ST6GALNAC3: variants seen among roughly 807,000 people sequenced by gnomAD.
ST6GALNAC3 encodes ST6 N-acetylgalactosaminide alpha-2,6-sialyltransferase 3.
In ST6GALNAC3, 25 loss-of-function variants were observed where a neutral mutation model predicts 32.7. The ratio of observed to expected loss-of-function variants is 0.76; its 90% CI spans 0.56 to 1.07. ST6GALNAC3 has a LOEUF of 1.07. Among genes scored for constraint, ST6GALNAC3 ranks in the 50% least tolerant of loss-of-function variants. The pLI is 0.00. For synonymous variants in ST6GALNAC3, 129 were observed against 133.1 expected (o/e 0.97, Z 0.21); for missense variants, 355 against 382.4 (o/e 0.93, Z 0.60).
chr1:76,495,388 A>G (rs1468125551), intron 3 of ST6GALNAC3, among the ~76,000 whole-genome samples: 6 of 152,156 alleles, frequency 3.9e-5, no homozygotes, highest in African/African-American at 1.2e-4. Context: ...GAAGATACGT[A>G]TGACTGCCTT....
chr1:76,187,264 C>G (rs1011626575), intron 1 of ST6GALNAC3, among the ~76,000 whole-genome samples: 1 of 152,122 alleles, frequency 6.6e-6, no homozygotes, highest in Non-Finnish European at 1.5e-5. Context: ...AGCCAAAATA[C>G]CTTGGTTGTT....
intron 3 of ST6GALNAC3, among the ~76,000 whole-genome samples, chr1:76,482,532 C>A (rs780970814): frequency 2.3e-4 from 35 of 152,176 alleles, no homozygotes; most frequent in Non-Finnish European, 4.4e-4. Context: ...AAGTCCTCCA[C>A]AGGCATTGTT....
intron 1 of ST6GALNAC3, among the ~76,000 whole-genome samples, chr1:76,100,798 CTGTT>C (rs549010047): frequency 1.5e-5 from 2 of 133,754 alleles, no homozygotes; most frequent in South Asian, 4.4e-4. Flanking sequence ...TCATCAGAAT[CTGTT>C]TTTTTTTTTT....
At chr1:76,402,919 T>C (rs1426592857) in intron 2 of ST6GALNAC3, among the ~76,000 whole-genome samples, 2 of 152,120 alleles carry the variant, frequency 1.3e-5, no homozygotes, top group African/African-American at 4.8e-5. Flanking sequence ...TATTGAGTCT[T>C]ATCTTCCATG....
chr1:76,168,654 G>A (rs1447901594), intron 1 of ST6GALNAC3, among the ~76,000 whole-genome samples: 4 of 152,144 alleles, frequency 2.6e-5, no homozygotes, highest in African/African-American at 7.2e-5. Flanking sequence ...GTGTTCCTGT[G>A]TTGGGTGTAT....
intron 3 of ST6GALNAC3, among the ~76,000 whole-genome samples, chr1:76,430,673 G>T (rs1655689951): frequency 6.6e-6 from 1 of 152,088 alleles, no homozygotes; most frequent in Non-Finnish European, 1.5e-5. Context: ...ACTTGTACAG[G>T]CTAGTTTGGC....
chr1:76,536,654 C>CAA (rs35157329), intron 3 of ST6GALNAC3, among the ~76,000 whole-genome samples: 255 of 57,458 alleles, frequency 4.4e-3, no homozygotes, highest in Non-Finnish European at 5.1e-3. Context: ...AAATGGAAAG[C>CAA]AAAAAAAAAA....
chr1:76,167,830 A>G (rs1018415533), intron 1 of ST6GALNAC3, among the ~76,000 whole-genome samples: 1 of 152,066 alleles, frequency 6.6e-6, no homozygotes, highest in African/African-American at 2.4e-5. Context: ...GTCAGTGGTA[A>G]TATTCCCCTT....
intron 3 of ST6GALNAC3, among the ~76,000 whole-genome samples, chr1:76,523,478 G>C (rs1662678896): frequency 6.6e-6 from 1 of 152,090 alleles, no homozygotes; most frequent in Non-Finnish European, 1.5e-5. Context: ...ATTAGAAAAG[G>C]GTTACCCTTT....
intron 1 of ST6GALNAC3, among the ~76,000 whole-genome samples, chr1:76,245,947 A>T (rs142932948): frequency 6.6e-6 from 1 of 152,284 alleles, no homozygotes; most frequent in African/African-American, 2.4e-5. Context: ...GCTGAGTTGA[A>T]GTCCTGAATA....
intron 1 of ST6GALNAC3, among the ~76,000 whole-genome samples, chr1:76,180,153 C>A (rs1653087349): frequency 6.6e-6 from 1 of 152,220 alleles, no homozygotes; most frequent in African/African-American, 2.4e-5. Flanking sequence ...AAGAACCTAG[C>A]ACATACTAGG....
chr1:76,602,079 G>A (rs1489155085), intron 3 of ST6GALNAC3, among the ~76,000 whole-genome samples: 1 of 152,148 alleles, frequency 6.6e-6, no homozygotes, highest in Admixed American at 6.5e-5. Flanking sequence ...AGATCACCAT[G>A]TGAGTGAGGG....
At position 76,333,870 on chromosome 1, in the gene ST6GALNAC3, T is replaced by A. The variant is rs2100968775; in HGVS notation, c.213+19871T>A. ...ATATGGACTCATTTGTTTCTCACAA[T>A]AATGCTATATGGTAGGTACTATTTT... is the stretch of plus-strand genomic sequence containing the variant. On this transcript the variant is annotated intron_variant, in intron 2 of 4. Coordinates refer to ENST00000328299, the MANE Select transcript of ST6GALNAC3 (RefSeq NM_152996.4). Among the ~76,000 whole-genome samples, 2 of 152,314 alleles carry A rather than the reference T, an allele frequency of 1.3e-5. 1 individual carries two copies. The highest frequency in any genetic ancestry group is 4.1e-4 in the South Asian group (2 of 4,828).
intron 3 of ST6GALNAC3, among the ~76,000 whole-genome samples, chr1:76,476,923 G>T (rs1480693071): frequency 6.6e-6 from 1 of 152,120 alleles, no homozygotes; most frequent in African/African-American, 2.4e-5. Context: ...CCAGCAGCTA[G>T]TGTTTCTTTC....
chr1:76,093,417 A>G (rs578144583), intron 1 of ST6GALNAC3, among the ~76,000 whole-genome samples: 32 of 152,208 alleles, frequency 2.1e-4, no homozygotes, highest in Non-Finnish European at 4.3e-4. Context: ...GTTGGCAAGA[A>G]CTGTTCCTCC....
chr1:76,634,169 T>C lies in ST6GALNAC3; in HGVS notation c.*5363T>C, dbSNP rs1250686332. The C allele has an allele frequency of 1.4e-5, 14 of 984,716 alleles. No homozygotes were observed. Among genetic ancestry groups the C allele is most frequent in the African/African-American group, 1.7e-5 (1 of 57,160 alleles). The allele number at this position is 984,716 out of a possible 1,614,324, so 61.0% of individuals were successfully genotyped here. A position where few individuals can be genotyped will look rare whatever the true frequency, so the allele number is the denominator to read the frequency against. ...TCACGCCTTGAAGACTTCAGAAAAA[T>C]AGAAGCTCACTTCCTTCCATAAAGG... On this transcript the variant is annotated 3_prime_UTR_variant, in exon 5 of 5. Coordinates refer to ENST00000328299, the MANE Select transcript of ST6GALNAC3 (RefSeq NM_152996.4).
At chr1:76,345,888 T>C (rs1257232155) in intron 2 of ST6GALNAC3, among the ~76,000 whole-genome samples, 1 of 152,124 alleles carries the variant, frequency 6.6e-6, no homozygotes, top group Non-Finnish European at 1.5e-5. Flanking sequence ...GCCTTTGCAC[T>C]GGCTATTGTT....
At chr1:76,366,331 T>C (rs959943602) in intron 2 of ST6GALNAC3, among the ~76,000 whole-genome samples, 3 of 152,182 alleles carry the variant, frequency 2.0e-5, no homozygotes, top group Non-Finnish European at 4.4e-5. Context: ...TGGCTCTTAA[T>C]TTAGCTTTGA....
chr1:76,360,056 G>A (rs1649804651), intron 2 of ST6GALNAC3, among the ~76,000 whole-genome samples: 1 of 151,798 alleles, frequency 6.6e-6, no homozygotes, highest in Admixed American at 6.6e-5. Flanking sequence ...TAGTTAATAA[G>A]AGCTACCATA....
Sources: allele counts gnomAD v4.1 joint callset (sites outside exome capture counted in the v4.1 genomes callset), GRCh38; gene constraint gnomAD v4.1.1; transcripts MANE v1.5; gene names NCBI Gene and HGNC (gene_info 2026-07-23, HGNC 2026-07-21).